Variants in FRAS1 observed in about 807,000 individuals in gnomAD.
The protein encoded by FRAS1 is Fraser extracellular matrix complex subunit 1, also known as extracellular matrix organizing protein FRAS1.
Under a neutral mutation model 435.2 loss-of-function variants are expected in FRAS1, and 290 were observed. The ratio of observed to expected loss-of-function variants is 0.67; its 90% confidence interval spans 0.61 to 0.73. The LOEUF (loss-of-function observed/expected upper bound fraction) is 0.73. Ranked by LOEUF, FRAS1 falls within the 30% of genes least tolerant of loss-of-function variation. The pLI is 0.00. For synonymous variants in FRAS1, 1,800 were observed against 1,851.0 expected (o/e 0.97, Z 0.71); for missense variants, 4,860 against 5,001.5 (o/e 0.97, Z 0.85).
intron 2 of FRAS1, among the ~76,000 whole-genome samples, chr4:78,152,273 A>C (rs147064685): frequency 6.6e-6 from 1 of 152,146 alleles, no homozygotes; most frequent in African/African-American, 2.4e-5. Flanking sequence ...TTAGAAAGGC[A>C]GGGTGTGTCT....
rs1273946054 is a variant in FRAS1 at position 78,400,517 on chromosome 4, A to G, written c.3976-217A>G. ...TAAATAAGTTGTTGGTTCATGATAA[A>G]CTAAAAGAAAAAGCAGGATATATAC... On this transcript the variant is annotated intron_variant, in intron 29 of 73. Coordinates refer to ENST00000512123, the MANE Select transcript of FRAS1 (RefSeq NM_025074.7). Among the ~76,000 whole-genome samples the G allele has an allele frequency of 5.3e-5, 8 of 152,336 alleles. No individual in the cohort carries two copies. In the East Asian group the frequency reaches 1.5e-3, roughly 29 times the overall value.
intron 9 of FRAS1, among the ~76,000 whole-genome samples, chr4:78,271,275 CTT>C (rs58638839): frequency 5.3e-5 from 8 of 151,902 alleles, no homozygotes; most frequent in Non-Finnish European, 7.4e-5. Context: ...CATTACCATT[CTT>C]TTTTTTTTAT....
At chr4:78,431,039 G>C (rs961238200) in intron 37 of FRAS1, among the ~76,000 whole-genome samples, 1 of 152,286 alleles carries the variant, frequency 6.6e-6, no homozygotes, top group African/African-American at 2.4e-5. Flanking sequence ...CTTATTCATT[G>C]AAGTGAATAT....
chr4:78,387,881 G>T (rs766356384), intron 29 of FRAS1, among the ~76,000 whole-genome samples, 180 bp downstream of exon 29: 1 of 152,140 alleles, frequency 6.6e-6, no homozygotes, highest in Non-Finnish European at 1.5e-5. Flanking sequence ...TGAAAGACCT[G>T]TCCCCATGTT....
intron 61 of FRAS1, among the ~76,000 whole-genome samples, chr4:78,502,792 C>T (rs890102331): frequency 6.6e-6 from 1 of 152,100 alleles, no homozygotes; most frequent in African/African-American, 2.4e-5. Context: ...TGTCCTGTGC[C>T]AGTTTTCAAA....
intron 2 of FRAS1, among the ~76,000 whole-genome samples, chr4:78,125,874 G>A (rs983430678): frequency 5.9e-5 from 9 of 152,214 alleles, no homozygotes; most frequent in Non-Finnish European, 1.0e-4. Flanking sequence ...CGTTATTGGA[G>A]CTTGAATGCC....
At chr4:78,532,676 GT>G (rs1035981386) in intron 70 of FRAS1, among the ~76,000 whole-genome samples, 1 of 152,070 alleles carries the variant, frequency 6.6e-6, no homozygotes, top group African/African-American at 2.4e-5. Context: ...AGCTTTTGGA[GT>G]TTTTTGTTCC....
chr4:78,074,644 C>T (rs1279161115), intron 2 of FRAS1, among the ~76,000 whole-genome samples: 2 of 151,910 alleles, frequency 1.3e-5, no homozygotes, highest in East Asian at 1.9e-4. Context: ...TAGTTGTGAG[C>T]GAATCAGGAA....
At chr4:78,401,139 A>C (rs1313561609) in intron 30 of FRAS1, among the ~76,000 whole-genome samples, 1 of 152,256 alleles carries the variant, frequency 6.6e-6, no homozygotes, top group Non-Finnish European at 1.5e-5. Flanking sequence ...TTCATTTTGC[A>C]GGTAAAAATA....
rs1319783781 is a variant in FRAS1 at position 78,109,450 on chromosome 4, A to T, written c.108+43434A>T. Among the ~76,000 whole-genome samples, 14 of 152,076 alleles carry T rather than the reference A, an allele frequency of 9.2e-5. No homozygotes were observed. In the South Asian group the frequency reaches 2.9e-3, roughly 32 times the overall value. ...GGATGCAAGGCTGGTTCAACATACGAAAATCAATAAACGTAATCTAGCATA... is the reference window on the plus strand; with the variant it reads ...GGATGCAAGGCTGGTTCAACATACGTAAATCAATAAACGTAATCTAGCATA... On this transcript the variant is annotated intron_variant, in intron 2 of 73. Transcript: ENST00000512123.
At chr4:78,292,029 T>C (rs72864580) in intron 14 of FRAS1, among the ~76,000 whole-genome samples, 3,106 of 152,346 alleles carry the variant, frequency 0.02, 91 homozygotes, top group African/African-American at 0.071. Context: ...TTATGAAGGT[T>C]AGAAAAGCTG....
intron 29 of FRAS1, among the ~76,000 whole-genome samples, chr4:78,395,296 G>C (rs1487285258): frequency 6.6e-6 from 1 of 151,980 alleles, no homozygotes; most frequent in East Asian, 1.9e-4. Flanking sequence ...CTAACCTGGA[G>C]AATGTTCCAT....
chr4:78,254,916 G>A (rs147363684), intron 5 of FRAS1, among the ~76,000 whole-genome samples: 9 of 152,210 alleles, frequency 5.9e-5, no homozygotes, highest in East Asian at 3.9e-4. Context: ...TGCATAGGGC[G>A]CATGCAACCT....
At chr4:78,260,520 A>G (rs1726034482) in intron 6 of FRAS1, among the ~76,000 whole-genome samples, 1 of 151,458 alleles carries the variant, frequency 6.6e-6, no homozygotes, top group African/African-American at 2.4e-5. Flanking sequence ...TTGTTGGTGT[A>G]TAAGAATGCT....
chr4:78,376,198 A>G (rs542874926), intron 26 of FRAS1, among the ~76,000 whole-genome samples: 1 of 152,330 alleles, frequency 6.6e-6, no homozygotes, highest in East Asian at 1.9e-4. Flanking sequence ...ATACAGTCAC[A>G]CTTTGCTTAA....
At chr4:78,316,859 T>C (rs1729277564) in intron 16 of FRAS1, among the ~76,000 whole-genome samples, 1 of 152,138 alleles carries the variant, frequency 6.6e-6, no homozygotes, top group Admixed American at 6.5e-5. Context: ...ACTGAGGGCA[T>C]TGAAGAATTG....
chr4:78,362,752 C>T (rs994288618), intron 20 of FRAS1, among the ~76,000 whole-genome samples: 1 of 152,170 alleles, frequency 6.6e-6, no homozygotes, highest in African/African-American at 2.4e-5. Flanking sequence ...AAACATTTCT[C>T]AGAAGAGAGT....
intron 20 of FRAS1, among the ~76,000 whole-genome samples, chr4:78,356,670 A>G (rs894828810): frequency 1.3e-5 from 2 of 152,154 alleles, no homozygotes; most frequent in African/African-American, 4.8e-5. Context: ...AGGAGGGGAG[A>G]GAACAGTTAG....
intron 30 of FRAS1, among the ~76,000 whole-genome samples, chr4:78,406,790 T>C (rs1578303730): frequency 6.6e-6 from 1 of 152,160 alleles, no homozygotes; most frequent in African/African-American, 2.4e-5. Flanking sequence ...TGGGTTTGAA[T>C]CACCACATAG....
Sources: gnomAD v4.1 joint callset for allele counts (sites outside exome capture counted in the v4.1 genomes callset) on GRCh38, gnomAD v4.1.1 for gene constraint, MANE v1.5 for transcripts, NCBI Gene and HGNC (gene_info 2026-07-23, HGNC 2026-07-21) for gene names.